TAFA5: variants seen among roughly 807,000 people sequenced by gnomAD.
TAFA5 encodes chemokine-like protein TAFA-5.
A neutral mutation model predicts 15.3 loss-of-function variants in TAFA5; 6 were observed. That is an observed-to-expected ratio of 0.39 (90% CI 0.21 to 0.77). The LOEUF (loss-of-function observed/expected upper bound fraction) is 0.77. Ranked by LOEUF, TAFA5 falls within the 30% of genes least tolerant of loss-of-function variation. The pLI is 0.41. For synonymous variants in TAFA5, 103 were observed against 80.7 expected, an observed-to-expected ratio of 1.28 and a Z score of -1.48; for missense variants, 161 against 193.1, an observed-to-expected ratio of 0.83 and a Z score of 0.98.
intron 1 of TAFA5, among the ~76,000 whole-genome samples, chr22:48,563,258 C>T (rs1056157150): frequency 3.3e-5 from 5 of 152,158 alleles, no homozygotes; most frequent in East Asian, 1.9e-4. Flanking sequence ...GTTTATTCTC[C>T]AGCGGGGACC....
At chr22:48,582,366 A>G (rs1225283888) in intron 1 of TAFA5, among the ~76,000 whole-genome samples, 1 of 149,398 alleles carries the variant, frequency 6.7e-6, no homozygotes, top group Non-Finnish European at 1.5e-5. Context: ...TACACCACGT[A>G]CCACACACAA....
At chr22:48,721,707 C>T (rs926954879) in intron 3 of TAFA5, among the ~76,000 whole-genome samples, 3 of 152,184 alleles carry the variant, frequency 2.0e-5, no homozygotes, top group African/African-American at 4.8e-5. Flanking sequence ...CAGTGGCTCA[C>T]GCCTGTAATC....
chr22:48,640,482 A>AG (rs1292309476), intron 1 of TAFA5, among the ~76,000 whole-genome samples: 6 of 151,484 alleles, frequency 4.0e-5, no homozygotes, highest in East Asian at 2.0e-4. Context: ...TGTGCTTCTA[A>AG]GGGGGGGCTT....
intron 2 of TAFA5, among the ~76,000 whole-genome samples, chr22:48,667,647 T>C (rs1927662809): frequency 6.6e-6 from 1 of 152,176 alleles, no homozygotes; most frequent in South Asian, 2.1e-4. Flanking sequence ...ATTTCTCTTA[T>C]ATTCTGACTC....
At chr22:48,748,275 G>A (rs1199040249) in intron 3 of TAFA5, among the ~76,000 whole-genome samples, 2 of 152,258 alleles carry the variant, frequency 1.3e-5, no homozygotes, top group African/African-American at 2.4e-5. Context: ...TGGGGACTGG[G>A]TTCTGGAACA....
chr22:48,749,626 G>A (rs752599002), intron 3 of TAFA5, among the ~76,000 whole-genome samples: 2 of 152,188 alleles, frequency 1.3e-5, no homozygotes, highest in Admixed American at 6.5e-5. Flanking sequence ...CACAGAGGGC[G>A]CCCCACTCTC....
Position 48,559,464 on chromosome 22 carries a change from T to C in TAFA5, c.112+69760T>C, listed in dbSNP as rs573528447. Among the ~76,000 whole-genome samples the C allele has an allele frequency of 2.0e-5, 3 of 152,214 alleles. No individual in the cohort carries two copies. The South Asian group carries it at 6.2e-4, about 32-fold the overall frequency. On this transcript the variant is annotated intron_variant, in intron 1 of 3. Transcript: ENST00000402357. ...TGACAACCCACACTGCGGGGTCCCC[T>C]GCCCCACAACCCCTCCTCTGACCCT...
intron 1 of TAFA5, among the ~76,000 whole-genome samples, chr22:48,607,059 G>T (rs1490957389): frequency 6.6e-6 from 1 of 152,234 alleles, no homozygotes; most frequent in African/African-American, 2.4e-5. Flanking sequence ...GATGTCTGAG[G>T]AGGAAGCTGT....
intron 2 of TAFA5, among the ~76,000 whole-genome samples, chr22:48,666,029 A>T (rs1048500362): frequency 2.6e-5 from 4 of 152,030 alleles, no homozygotes; most frequent in African/African-American, 9.7e-5. Context: ...TGGCTCCAGG[A>T]GGGTGGGGAC....
At chr22:48,683,188 G>GAC (rs1192791556) in intron 2 of TAFA5, among the ~76,000 whole-genome samples, 1 of 152,082 alleles carries the variant, frequency 6.6e-6, no homozygotes, top group African/African-American at 2.4e-5. Context: ...CACACACACA[G>GAC]ACACACACAC....
Position 48,751,415 on chromosome 22 carries a change from C to T in TAFA5, c.*1568C>T, listed in dbSNP as rs1270113174. 6.6e-6 allele frequency: 1 copy of T among 152,470 alleles called. No homozygotes were observed. The highest frequency in any genetic ancestry group is 1.5e-5 in the Non-Finnish European group (1 of 68,036). 9.4% of individuals were successfully genotyped at this position (152,470 alleles called of 1,614,324 possible). A position where few individuals can be genotyped will look rare whatever the true frequency, so the allele number is the denominator to read the frequency against. On this transcript the variant is annotated 3_prime_UTR_variant, in exon 4 of 4. Transcript: ENST00000402357. Reference sequence around the variant, plus strand: ...TCGTTCGCCAGCCTCCTTCATTTTCCTGAGTTCCCGCTGAAGTATATACTA... The same window carrying T: ...TCGTTCGCCAGCCTCCTTCATTTTCTTGAGTTCCCGCTGAAGTATATACTA...
intron 3 of TAFA5, 126 bp from the exon 4 acceptor site, chr22:48,749,713 C>A: frequency 1.0e-6 from 1 of 1,001,142 alleles, no homozygotes; most frequent in Non-Finnish European, 1.5e-6. Flanking sequence ...TGAGGATGAG[C>A]TCTTCGTTTC....
At chr22:48,572,736 A>G (rs1471616753) in intron 1 of TAFA5, among the ~76,000 whole-genome samples, 1 of 152,216 alleles carries the variant, frequency 6.6e-6, no homozygotes, top group Non-Finnish European at 1.5e-5. Flanking sequence ...TAAAAAGCCT[A>G]TTTTTGATAC....
intron 1 of TAFA5, among the ~76,000 whole-genome samples, chr22:48,587,701 C>G (rs994807672): frequency 3.3e-5 from 5 of 152,204 alleles, no homozygotes; most frequent in African/African-American, 1.2e-4. Context: ...GGGCAGGGTG[C>G]GGGTTCCCCA....
At chr22:48,587,660 G>C (rs1924409754) in intron 1 of TAFA5, among the ~76,000 whole-genome samples, 1 of 152,188 alleles carries the variant, frequency 6.6e-6, no homozygotes, top group Non-Finnish European at 1.5e-5. Flanking sequence ...CGCCCTGTGG[G>C]GTAGGCCAGG....
intron 2 of TAFA5, among the ~76,000 whole-genome samples, chr22:48,650,419 C>T (rs898062526): frequency 6.6e-6 from 1 of 152,186 alleles, no homozygotes; most frequent in Non-Finnish European, 1.5e-5. Flanking sequence ...GAGAGCCATG[C>T]AGTGCTGCAG....
At chr22:48,712,441 A>G (rs1261747400) in intron 3 of TAFA5, among the ~76,000 whole-genome samples, 1 of 152,250 alleles carries the variant, frequency 6.6e-6, no homozygotes, top group Non-Finnish European at 1.5e-5. Flanking sequence ...AGCATTTAAA[A>G]GGAGGAAGGA....
rs1056574865 is a variant in TAFA5 at position 48,546,425 on chromosome 22, A to G, written c.112+56721A>G. ...GGCTCTTGGAGGTCCCCGAGTGACCATCGGACACTGCCCTATCCTCTTGGA... is the reference window on the plus strand; with the variant it reads ...GGCTCTTGGAGGTCCCCGAGTGACCGTCGGACACTGCCCTATCCTCTTGGA... On this transcript the variant is annotated intron_variant, in intron 1 of 3. Coordinates refer to ENST00000402357, the MANE Select transcript of TAFA5 (RefSeq NM_001082967.3). The G allele has an allele frequency of 6.5e-6, 3 of 464,772 alleles. No homozygotes were observed. In the Admixed American group the frequency reaches 7.1e-5, roughly 11 times the overall value. The allele number at this position is 464,772 out of a possible 1,614,324, so 28.8% of individuals were successfully genotyped here.
chr22:48,647,598 G>C (rs545575649), intron 2 of TAFA5, among the ~76,000 whole-genome samples: 2 of 152,292 alleles, frequency 1.3e-5, no homozygotes, highest in East Asian at 1.9e-4. Context: ...GTCAACACCA[G>C]CCAAAGGTCA....
Sources: allele counts gnomAD v4.1 joint callset (sites outside exome capture counted in the v4.1 genomes callset), GRCh38; gene constraint gnomAD v4.1.1; transcripts MANE v1.5; gene names NCBI Gene and HGNC (gene_info 2026-07-23, HGNC 2026-07-21).